Variants in KIF15 observed in about 807,000 individuals in gnomAD.
The protein encoded by KIF15 is kinesin family member 15.
KIF15 carries 140 observed loss-of-function variants against 190.6 expected under a neutral mutation model. That is an observed-to-expected ratio of 0.73 (90% confidence interval 0.64 to 0.84). The LOEUF is 0.84. Ranked by LOEUF, KIF15 falls within the 40% of genes least tolerant of loss-of-function variation. KIF15 has a pLI of 0.00. For synonymous variants in KIF15, 528 were observed against 551.3 expected (o/e 0.96, Z 0.59); for missense variants, 1,372 against 1,584.4 (o/e 0.87, Z 2.28).
intron 20 of KIF15, among the ~76,000 whole-genome samples, chr3:44,823,815 G>A (rs919696088): frequency 3.3e-5 from 5 of 152,328 alleles, no homozygotes; most frequent in Admixed American, 2.6e-4. Flanking sequence ...GGGACCCACC[G>A]AGCTAGGTGC....
chr3:44,799,076 T>A (rs550830078), intron 10 of KIF15: 31 of 348,792 alleles, frequency 8.9e-5, no homozygotes, highest in African/African-American at 6.7e-4. Context: ...TCATTAGAGC[T>A]TCCTGACCCT....
chr3:44,854,546 C>CAT (rs779447547), downstream of KIF15, among the ~76,000 whole-genome samples: 2 of 152,114 alleles, frequency 1.3e-5, no homozygotes, highest in Non-Finnish European at 2.9e-5. Context: ...AGCGAGCAGA[C>CAT]ACTGCAACTG....
chr3:44,847,993 A>G lies in KIF15; in HGVS notation c.3704A>G (p.Asn1235Ser), dbSNP rs370139129. Reference protein sequence around the residue: ...IKRQKENSDQNHPDNQQLKNE... With the variant: ...IKRQKENSDQSHPDNQQLKNE... ...CCTGTTAATCTATGCAGTGATCAGAATCATCCAGATAATCAACAGCTGAAG... is the reference window on the plus strand; with the variant it reads ...CCTGTTAATCTATGCAGTGATCAGAGTCATCCAGATAATCAACAGCTGAAG... The change falls in exon 31 of 35, where the codon AAT (asparagine) becomes AGT (serine). Residue 1235 changes from asparagine to serine, a missense_variant. Coordinates refer to ENST00000326047, the MANE Select transcript of KIF15 (RefSeq NM_020242.3). The G allele has an allele frequency of 6.2e-6, 10 of 1,610,394 alleles. No individual in the cohort carries two copies. The highest frequency in any genetic ancestry group is 8.5e-6 in the Non-Finnish European group (10 of 1,177,966).
At chr3:44,848,100 A>G in intron 31 of KIF15, 43 bp downstream of exon 31, 3 of 1,175,176 alleles carry the variant, frequency 2.6e-6, no homozygotes, top group Non-Finnish European at 3.8e-6. Context: ...TGTCTGAGCA[A>G]TGCTTTTATA....
rs753240177 is a variant in KIF15 at position 44,801,798 on chromosome 3, C to T, written c.1333C>T (p.Leu445Phe). The T allele has an allele frequency of 6.3e-7, 1 of 1,598,904 alleles. No individual in the cohort carries two copies. The highest frequency in any genetic ancestry group is 1.1e-5 in the South Asian group (1 of 90,090). Residue 445 changes from leucine (L) to phenylalanine (F), a missense_variant, in exon 13 of 35, where the codon CTC (leucine) becomes TTC (phenylalanine). Transcript: ENST00000326047. ...LIEKVTQLED[L>F]TLKKEKFIQS... is the part of the protein sequence containing the mutation. ...AGAAAAAGTTACCCAATTAGAAGAC[C>T]TCACCCTCAAAAAGGAAAAATTTAT...
At chr3:44,840,906 T>C (rs1188890940) in intron 28 of KIF15, among the ~76,000 whole-genome samples, 168 bp from the exon 29 acceptor site, 1 of 152,114 alleles carries the variant, frequency 6.6e-6, no homozygotes, top group Non-Finnish European at 1.5e-5. Flanking sequence ...ACTTCTGAGC[T>C]TAGGCAGTCC....
Position 44,827,492 on chromosome 3 carries a change from G to A in KIF15, c.2820G>A (p.Gln940=). 6.2e-7 allele frequency: 1 copy of A among 1,612,584 alleles called. No individual in the cohort carries two copies. The highest frequency in any genetic ancestry group is 8.5e-7 in the Non-Finnish European group (1 of 1,178,802). The change falls in exon 23 of 35, where the codon CAG becomes CAA. Residue 940 remains glutamine, a synonymous_variant. Transcript: ENST00000326047. ...EILKVLEAVR[Q]EKQKETAKCE... ...TAAAAGTTCTTGAGGCTGTACGTCA[G>A]GAGAAACAGAAAGAGACGGCCAAGT...
At chr3:44,762,403 T>C (rs1705191270) in intron 1 of KIF15, among the ~76,000 whole-genome samples, 1 of 152,238 alleles carries the variant, frequency 6.6e-6, no homozygotes. Context: ...TCACAGTCTC[T>C]ATTTTCACTT....
At chr3:44,831,249 G>A (rs1425039758) in intron 26 of KIF15, among the ~76,000 whole-genome samples, 4 of 152,038 alleles carry the variant, frequency 2.6e-5, no homozygotes, top group African/African-American at 4.8e-5. Flanking sequence ...CTCCACACAC[G>A]TTCACGCTGC....
chr3:44,806,660 C>T (rs1459070201), intron 16 of KIF15, among the ~76,000 whole-genome samples: 1 of 152,182 alleles, frequency 6.6e-6, no homozygotes, highest in Non-Finnish European at 1.5e-5. Flanking sequence ...TGGTGCAGGC[C>T]TGTAGTCCCG....
intron 24 of KIF15, 73 bp downstream of exon 24, chr3:44,828,373 C>T (rs1269272034): frequency 2.0e-6 from 2 of 1,022,012 alleles, no homozygotes; most frequent in South Asian, 2.6e-5. Context: ...TGTTCTCCTA[C>T]CTCTTCTTGC....
chr3:44,766,808 T>C (rs1315484539), intron 1 of KIF15, among the ~76,000 whole-genome samples: 2 of 105,566 alleles, frequency 1.9e-5, no homozygotes, highest in Non-Finnish European at 4.2e-5. Context: ...TCTTTCTTTC[T>C]TTTTTTTTTT....
chr3:44,829,024 C>T (rs944380409), intron 24 of KIF15, among the ~76,000 whole-genome samples: 9 of 148,832 alleles, frequency 6.0e-5, no homozygotes, highest in South Asian at 4.2e-4. Flanking sequence ...GCAACAAGAG[C>T]GAAACTCTGT....
At chr3:44,836,945 C>T (rs557991503) in intron 26 of KIF15, among the ~76,000 whole-genome samples, 1 of 152,316 alleles carries the variant, frequency 6.6e-6, no homozygotes, top group South Asian at 2.1e-4. Context: ...GCAGCCATGA[C>T]AGGTGAGGGG....
At chr3:44,826,279 C>T (rs761048709) in intron 21 of KIF15, 90 bp downstream of exon 21, 299 of 1,555,386 alleles carry the variant, frequency 1.9e-4, no homozygotes, top group Non-Finnish European at 2.4e-4. Context: ...CTTTGCTATA[C>T]TTGCCCACAG....
chr3:44,850,604 C>T (rs530511758), intron 32 of KIF15, among the ~76,000 whole-genome samples: 1 of 152,246 alleles, frequency 6.6e-6, no homozygotes, highest in South Asian at 2.1e-4. Context: ...CCTACAACAG[C>T]AATTTTAAAC....
chr3:44,788,058 G>T (rs1004812330), intron 7 of KIF15, among the ~76,000 whole-genome samples: 2 of 152,120 alleles, frequency 1.3e-5, no homozygotes, highest in African/African-American at 4.8e-5. Context: ...TCACCATGTT[G>T]CCCAGGCTGG....
Position 44,838,359 on chromosome 3 carries a change from C to G in KIF15, c.3256C>G (p.Leu1086Val), listed in dbSNP as rs766300890. Residue 1086 changes from leucine to valine, a missense_variant, in exon 27 of 35, where the codon CTG (leucine) becomes GTG (valine). Physicochemically the swap from Leu to Val is conservative, Grantham distance 32. Coordinates refer to ENST00000326047, the MANE Select transcript of KIF15 (RefSeq NM_020242.3). ...GGCCTCAAAAAAACACTCGGGGCTGCTGCAGTCTGCCCAGGAAGAACTGAC... is the reference window on the plus strand; with the variant it reads ...GGCCTCAAAAAAACACTCGGGGCTGGTGCAGTCTGCCCAGGAAGAACTGAC... ...TEASKKHSGL[L>V]QSAQEELTKK... 6.2e-7 allele frequency: 1 copy of G among 1,614,046 alleles called. No individual in the cohort carries two copies. The highest frequency in any genetic ancestry group is 1.1e-5 in the South Asian group (1 of 91,066).
chr3:44,804,282 A>T (rs921851255), intron 14 of KIF15, among the ~76,000 whole-genome samples: 4 of 152,140 alleles, frequency 2.6e-5, no homozygotes, highest in Non-Finnish European at 4.4e-5. Context: ...TCAGTTTCTA[A>T]ACATTGATCA....
Sources: allele counts gnomAD v4.1 joint callset (sites outside exome capture counted in the v4.1 genomes callset), GRCh38; gene constraint gnomAD v4.1.1; transcripts MANE v1.5; gene names NCBI Gene and HGNC (gene_info 2026-07-23, HGNC 2026-07-21).